The following SEZ6L variants were observed in gnomAD, a reference collection of about 807,000 sequenced individuals.
SEZ6L encodes the protein seizure related 6 homolog like, also known as seizure 6-like protein.
In SEZ6L, 37 loss-of-function variants were observed where a neutral mutation model predicts 106.2. The observed-to-expected ratio is 0.35, with a 90% confidence interval of 0.27 to 0.46. SEZ6L has a LOEUF of 0.46. Ranked by LOEUF, SEZ6L falls within the 20% of genes least tolerant of loss-of-function variation. The probability of loss-of-function intolerance (pLI) is 1.00; values close to 1 mark genes in which losing one functional copy is unlikely to be tolerated. For synonymous variants in SEZ6L, 541 were observed against 570.4 expected (o/e 0.95, Z 0.73); for missense variants, 1,172 against 1,332.8 (o/e 0.88, Z 1.88).
chr22:26,316,885 A>AAAG (rs1187399852), intron 9 of SEZ6L, among the ~76,000 whole-genome samples: 56 of 58,178 alleles, frequency 9.6e-4, no homozygotes, highest in African/African-American at 4.1e-3. Flanking sequence ...AGAAAGAAAG[A>AAAG]AAGAAAGAGA....
In SEZ6L at chr22:26,311,791, G is replaced by A; in HGVS notation, c.1705G>A (p.Glu569Lys). Reference protein sequence around the residue: ...FEAFEKGHCYEPYIQNGNFTT... With the variant: ...FEAFEKGHCYKPYIQNGNFTT... ...AGCGTTTGAGAAAGGCCACTGCTAT[G>A]AGCCCTACATCCAGAATGGGAACTT... The change falls in exon 8 of 17, where the codon GAG (glutamate) becomes AAG (lysine). Residue 569 changes from glutamate (E) to lysine (K), a missense_variant. Glu to Lys is a moderately conservative substitution (Grantham distance 56). Transcript: ENST00000248933. 3 of 1,614,190 alleles carry A rather than the reference G, an allele frequency of 1.9e-6. No homozygotes were observed. Among genetic ancestry groups the A allele is most frequent in the Non-Finnish European group, 1.7e-6 (2 of 1,180,028 alleles).
intron 1 of SEZ6L, among the ~76,000 whole-genome samples, chr22:26,185,909 T>C (rs1939746028): frequency 1.3e-5 from 2 of 152,084 alleles, no homozygotes. Context: ...CGAATAGGGG[T>C]GGGAATCTAC....
At chr22:26,256,440 CAT>C (rs756175173) in intron 1 of SEZ6L, among the ~76,000 whole-genome samples, 7 of 152,170 alleles carry the variant, frequency 4.6e-5, no homozygotes, top group Non-Finnish European at 7.4e-5. Flanking sequence ...ATGTAGAAAA[CAT>C]AGAAGAGACC....
At chr22:26,305,182 G>A (rs2081593551) in intron 5 of SEZ6L, among the ~76,000 whole-genome samples, 1 of 152,154 alleles carries the variant, frequency 6.6e-6, no homozygotes, top group Non-Finnish European at 1.5e-5. Context: ...GGCACATGAT[G>A]TATTTCACTA....
At chr22:26,243,668 A>G (rs1224536875) in intron 1 of SEZ6L, among the ~76,000 whole-genome samples, 1 of 152,226 alleles carries the variant, frequency 6.6e-6, no homozygotes, top group Non-Finnish European at 1.5e-5. Flanking sequence ...TTTACGTTTT[A>G]TAAGGATCAC....
At chr22:26,214,393 G>T (rs569693202) in intron 1 of SEZ6L, among the ~76,000 whole-genome samples, 3 of 152,120 alleles carry the variant, frequency 2.0e-5, no homozygotes, top group African/African-American at 7.2e-5. Flanking sequence ...ACCAATAAAC[G>T]TCAGCTATTC....
intron 15 of SEZ6L, among the ~76,000 whole-genome samples, chr22:26,377,209 G>A (rs2084258446): frequency 6.6e-6 from 1 of 152,198 alleles, no homozygotes; most frequent in African/African-American, 2.4e-5. Flanking sequence ...CCAGGAGGCA[G>A]AGGTTGCAGT....
rs1476855703 is a variant in SEZ6L, at chr22:26,365,629, C to T, written c.2794+63C>T. The T allele has an allele frequency of 3.4e-6, 5 of 1,472,016 alleles. No individual in the cohort carries two copies. In the African/African-American group the frequency reaches 4.2e-5, roughly 12 times the overall value. The allele number at this position is 1,472,016 out of a possible 1,614,324, so 91.2% of individuals were successfully genotyped here. On this transcript the variant is annotated intron_variant, in intron 13 of 16. Transcript: ENST00000248933. The stretch of plus-strand genomic sequence containing the variant: ...CTGGAGATGTCAGGCTCCTGGCTCA[C>T]AGGAGTTCTGAACTTGCTCTAAAAA...
intron 16 of SEZ6L, among the ~76,000 whole-genome samples, chr22:26,379,370 C>T (rs1411357159): frequency 1.3e-5 from 2 of 152,236 alleles, no homozygotes; most frequent in African/African-American, 2.4e-5. Flanking sequence ...AGGCTTTACC[C>T]ACCCTTAAAA....
chr22:26,232,345 T>TACAC (rs2078824053), intron 1 of SEZ6L, among the ~76,000 whole-genome samples: 2 of 40,932 alleles, frequency 4.9e-5, no homozygotes, highest in Non-Finnish European at 5.1e-5. Context: ...CTCTCTGTCT[T>TACAC]TCACACACAC....
At chr22:26,350,194 GTATATATATATATACACA>G (rs1054556482) in intron 11 of SEZ6L, among the ~76,000 whole-genome samples, 15 of 138,736 alleles carry the variant, frequency 1.1e-4, no homozygotes, top group Admixed American at 1.4e-4. Flanking sequence ...GTGTGTGTGT[GTATATATATATATACACA>G]TATATATATA....
chr22:26,215,356 T>C (rs28685595), intron 1 of SEZ6L, among the ~76,000 whole-genome samples: 13,040 of 152,192 alleles, frequency 0.086, 564 homozygotes, highest in Admixed American at 0.12. Flanking sequence ...ATAGGTAATT[T>C]CTCAACCCTC....
At chr22:26,351,540 T>TTGGTTG (rs1556375110) in intron 12 of SEZ6L, 119,038 of 236,254 alleles carry the variant, frequency 0.5, 30,539 homozygotes, top group African/African-American at 0.59. Flanking sequence ...TTTGTTTGTT[T>TTGGTTG]GTTTGTTGGT....
chr22:26,321,648 T>C (rs2082157732), intron 9 of SEZ6L, among the ~76,000 whole-genome samples: 1 of 152,346 alleles, frequency 6.6e-6, no homozygotes, highest in South Asian at 2.1e-4. Flanking sequence ...GGGTTTAATT[T>C]ATCTTGCTTG....
chr22:26,211,033 TC>T (rs781464089), intron 1 of SEZ6L, among the ~76,000 whole-genome samples: 25 of 152,262 alleles, frequency 1.6e-4, no homozygotes, highest in Admixed American at 1.3e-4. Flanking sequence ...ACTTCACTCA[TC>T]CGCATTTTTT....
In SEZ6L at chr22:26,279,816, G is replaced by T. The variant is rs539543132; in HGVS notation, c.95-12590G>T. Among the ~76,000 whole-genome samples the T allele has an allele frequency of 4.6e-5, 7 of 152,216 alleles. No homozygotes were observed. In the South Asian group the frequency reaches 1.5e-3, roughly 32 times the overall value. On this transcript the variant is annotated intron_variant, in intron 1 of 16. Transcript: ENST00000248933. Reference sequence around the variant, plus strand: ...GTAGAATACAAGTGTCTTTTCTTGGGGACTCCCTGCAGGAGAGAAGCTGAT... The same window carrying T: ...GTAGAATACAAGTGTCTTTTCTTGGTGACTCCCTGCAGGAGAGAAGCTGAT...
chr22:26,200,549 G>A (rs1467285356), intron 1 of SEZ6L, among the ~76,000 whole-genome samples: 2 of 152,136 alleles, frequency 1.3e-5, no homozygotes, highest in Non-Finnish European at 2.9e-5. Flanking sequence ...CTGAGCTACT[G>A]GAGTCCCTAT....
At chr22:26,330,945 G>A (rs898885217) in intron 9 of SEZ6L, among the ~76,000 whole-genome samples, 1 of 152,134 alleles carries the variant, frequency 6.6e-6, no homozygotes, top group African/African-American at 2.4e-5. Flanking sequence ...AATGAGGCTC[G>A]AAAAAGCCTT....
At chr22:26,350,134 T>C (rs188831949) in intron 11 of SEZ6L, among the ~76,000 whole-genome samples, 13 of 151,672 alleles carry the variant, frequency 8.6e-5, no homozygotes, top group Admixed American at 8.5e-4. Flanking sequence ...ACCTTATACA[T>C]AGGTCTTTGG....
Sources: gnomAD v4.1 joint callset for allele counts (sites outside exome capture counted in the v4.1 genomes callset) on GRCh38, gnomAD v4.1.1 for gene constraint, MANE v1.5 for transcripts, NCBI Gene and HGNC (gene_info 2026-07-23, HGNC 2026-07-21) for gene names.